Variants in IGSF11 observed in about 807,000 individuals in gnomAD.
IGSF11 encodes the protein immunoglobulin superfamily member 11.
In IGSF11, 22 loss-of-function variants were observed where a neutral mutation model predicts 41.0. The ratio of observed to expected loss-of-function variants is 0.54; its 90% CI spans 0.38 to 0.77. The LOEUF (loss-of-function observed/expected upper bound fraction) is 0.77, where lower values mean the gene tolerates loss of function less well. Ranked by LOEUF, IGSF11 falls within the 30% of genes least tolerant of loss-of-function variation. IGSF11 has a pLI of 0.00. For synonymous variants in IGSF11, 219 were observed against 201.3 expected, an observed-to-expected ratio of 1.09 and a Z score of -0.74; for missense variants, 444 against 530.8, an observed-to-expected ratio of 0.84 and a Z score of 1.61.
At chr3:118,993,494 C>T (rs1300397157) in intron 1 of IGSF11, among the ~76,000 whole-genome samples, 2 of 152,112 alleles carry the variant, frequency 1.3e-5, no homozygotes, top group Non-Finnish European at 2.9e-5. Flanking sequence ...CTAAGCAATT[C>T]CACCTTTAGT....
At chr3:119,099,928 A>C (rs116547784) in intron 1 of IGSF11, among the ~76,000 whole-genome samples, 7,353 of 152,222 alleles carry the variant, frequency 0.048, 221 homozygotes, top group South Asian at 0.094. Context: ...TCAATCTGAT[A>C]ACTGAGACAA....
In IGSF11 at chr3:118,909,695, C is replaced by T. The variant is rs540658452; in HGVS notation, c.581-3977G>A. On this transcript the variant is annotated intron_variant, in intron 4 of 6. Coordinates refer to ENST00000393775, the MANE Select transcript of IGSF11 (RefSeq NM_001015887.3). ...CATCCTGCTTCACAGCAGCTCAGTG[C>T]CTTTAGACAATGATAAAAATATTTT... Among the ~76,000 whole-genome samples, 51 of 152,288 alleles carry T rather than the reference C, an allele frequency of 3.3e-4. No homozygotes were observed. In the East Asian group the frequency reaches 7.9e-3, roughly 24 times the overall value.
At chr3:119,066,479 A>C (rs1244614147) in intron 1 of IGSF11, among the ~76,000 whole-genome samples, 1 of 152,160 alleles carries the variant, frequency 6.6e-6, no homozygotes, top group Non-Finnish European at 1.5e-5. Flanking sequence ...TCTCTAATTA[A>C]ACATATTTTA....
intron 1 of IGSF11, among the ~76,000 whole-genome samples, chr3:119,021,619 A>G (rs969763903): frequency 6.6e-6 from 1 of 152,188 alleles, no homozygotes; most frequent in African/African-American, 2.4e-5. Context: ...TAAATAAGCC[A>G]GCCATCACAA....
At chr3:119,077,142 A>G (rs182221393) in intron 1 of IGSF11, among the ~76,000 whole-genome samples, 1 of 152,314 alleles carries the variant, frequency 6.6e-6, no homozygotes, top group Admixed American at 6.5e-5. Flanking sequence ...GCTGGAAATC[A>G]TCATTCTCAG....
At chr3:118,942,264 G>T (rs1471894332) in intron 1 of IGSF11, among the ~76,000 whole-genome samples, 3 of 152,140 alleles carry the variant, frequency 2.0e-5, no homozygotes, top group Admixed American at 2.0e-4. Context: ...CTGTAAAACT[G>T]GCTTAAGAAA....
At chr3:118,916,368 C>T (rs1258655484) in intron 4 of IGSF11, among the ~76,000 whole-genome samples, 14 of 151,942 alleles carry the variant, frequency 9.2e-5, no homozygotes, top group South Asian at 6.2e-4. Context: ...ACCCATCTCA[C>T]GTGCAGAGAT....
chr3:118,976,139 G>A (rs1002468185), intron 1 of IGSF11, among the ~76,000 whole-genome samples: 1 of 152,094 alleles, frequency 6.6e-6, no homozygotes, highest in African/African-American at 2.4e-5. Context: ...AGTTTAAGCT[G>A]TATGCATTTC....
At chr3:119,141,754 T>C (rs2077650934) in intron 1 of IGSF11, among the ~76,000 whole-genome samples, 1 of 151,838 alleles carries the variant, frequency 6.6e-6, no homozygotes, top group South Asian at 2.1e-4. Context: ...ATCATGTTTA[T>C]TGCAGTATTA....
intron 1 of IGSF11, among the ~76,000 whole-genome samples, chr3:118,950,008 C>A (rs563419223): frequency 1.3e-5 from 2 of 152,166 alleles, no homozygotes; most frequent in African/African-American, 2.4e-5. Flanking sequence ...GGGGAAGGAA[C>A]AATTACCAAT....
intron 4 of IGSF11, among the ~76,000 whole-genome samples, chr3:118,914,314 CG>C (rs1940767387): frequency 1.3e-5 from 2 of 152,046 alleles, no homozygotes; most frequent in Admixed American, 6.5e-5. Context: ...ACGCAGAAGA[CG>C]GGTGATTTCT....
At chr3:118,966,226 T>C (rs1331582910) in intron 1 of IGSF11, among the ~76,000 whole-genome samples, 3 of 152,164 alleles carry the variant, frequency 2.0e-5, no homozygotes, top group African/African-American at 7.2e-5. Context: ...ACCATACAAA[T>C]GTGTGGAGCA....
chr3:119,040,959 A>C (rs936836806), intron 1 of IGSF11, among the ~76,000 whole-genome samples: 1 of 152,226 alleles, frequency 6.6e-6, no homozygotes, highest in African/African-American at 2.4e-5. Context: ...AGAAGAAAAT[A>C]AAAATATTTT....
chr3:118,998,696 G>T (rs1936511429), intron 1 of IGSF11, among the ~76,000 whole-genome samples: 1 of 151,922 alleles, frequency 6.6e-6, no homozygotes, highest in African/African-American at 2.4e-5. Context: ...ACTTTCAACT[G>T]CTGGGTGACA....
chr3:118,911,122 C>T (rs763442975), intron 4 of IGSF11, among the ~76,000 whole-genome samples: 2 of 151,308 alleles, frequency 1.3e-5, no homozygotes, highest in Non-Finnish European at 2.9e-5. Flanking sequence ...TGTGTGTGTG[C>T]ACACACACAC....
At chr3:119,084,594 C>T (rs1404380694) in intron 1 of IGSF11, among the ~76,000 whole-genome samples, 1 of 152,196 alleles carries the variant, frequency 6.6e-6, no homozygotes, top group Non-Finnish European at 1.5e-5. Flanking sequence ...AGGAAGAAAG[C>T]AAGGCTTTCT....
At chr3:118,905,384 G>C (rs530599663) in intron 5 of IGSF11, among the ~76,000 whole-genome samples, 1 of 152,112 alleles carries the variant, frequency 6.6e-6, no homozygotes, top group African/African-American at 2.4e-5. Flanking sequence ...TGAGGAGAAA[G>C]ATATTTTTTC....
intron 1 of IGSF11, among the ~76,000 whole-genome samples, chr3:119,043,323 G>T (rs1941195066): frequency 6.6e-6 from 1 of 152,032 alleles, no homozygotes; most frequent in Admixed American, 6.5e-5. Flanking sequence ...TCTTGTTTTT[G>T]CCTAATTGGC....
intron 1 of IGSF11, among the ~76,000 whole-genome samples, chr3:119,130,849 G>T (rs1576834354): frequency 6.6e-6 from 1 of 151,734 alleles, no homozygotes; most frequent in African/African-American, 2.4e-5. Context: ...GGATCAGGAA[G>T]CAATATTTGC....
Sources: gnomAD v4.1 joint callset for allele counts (sites outside exome capture counted in the v4.1 genomes callset) on GRCh38, gnomAD v4.1.1 for gene constraint, MANE v1.5 for transcripts, NCBI Gene and HGNC (gene_info 2026-07-23, HGNC 2026-07-21) for gene names.